Variants in ASAP2 observed in about 807,000 individuals in gnomAD.
ASAP2 encodes the protein arf-GAP with SH3 domain, ANK repeat and PH domain-containing protein 2.
Under a neutral mutation model 131.4 loss-of-function variants are expected in ASAP2, and 45 were observed. That is an observed-to-expected ratio of 0.34 (90% CI 0.27 to 0.44). The LOEUF is 0.44. Among genes scored for constraint, ASAP2 ranks in the 20% least tolerant of loss-of-function variants. ASAP2 has a pLI of 1.00. For missense variants in ASAP2, 1,011 were observed against 1,297.0 expected (o/e 0.78, Z 3.39); for synonymous variants, 510 against 503.0 (o/e 1.01, Z -0.19).
chr2:9,354,500 G>A lies in ASAP2; in HGVS notation c.1112-1547G>A, dbSNP rs140966207. 2.7e-4 allele frequency among the ~76,000 whole-genome samples: 41 copies of A among 152,218 alleles called. 1 individual carries two copies. The highest frequency in any genetic ancestry group is 8.7e-4 in the African/African-American group (36 of 41,526). On this transcript the variant is annotated intron_variant, in intron 12 of 27. Transcript: ENST00000281419. ...CAGAATGCAGAAATTGGCCAGGTGCGGTGGCCCACGCCTGTCATCTCAGTA... is the reference window on the plus strand; with the variant it reads ...CAGAATGCAGAAATTGGCCAGGTGCAGTGGCCCACGCCTGTCATCTCAGTA...
intron 1 of ASAP2, among the ~76,000 whole-genome samples, chr2:9,212,347 G>T (rs570885202): frequency 6.6e-6 from 1 of 152,174 alleles, no homozygotes; most frequent in African/African-American, 2.4e-5. Context: ...GTCCCAGGGC[G>T]TGGGGCTGTG....
intron 15 of ASAP2, among the ~76,000 whole-genome samples, chr2:9,366,817 T>C (rs1354144035): frequency 6.6e-6 from 1 of 152,080 alleles, no homozygotes; most frequent in Non-Finnish European, 1.5e-5. Flanking sequence ...CCCCACATAA[T>C]TCTTCTGTTT....
At chr2:9,368,841 C>T (rs1673691091) in intron 16 of ASAP2, among the ~76,000 whole-genome samples, 2 of 151,942 alleles carry the variant, frequency 1.3e-5, no homozygotes, top group African/African-American at 2.4e-5. Context: ...GTCACTTCCC[C>T]GTCTTGGTCT....
intron 6 of ASAP2, among the ~76,000 whole-genome samples, chr2:9,324,987 C>G (rs1326947847): frequency 6.6e-6 from 1 of 151,992 alleles, no homozygotes; most frequent in Admixed American, 6.6e-5. Context: ...GTGTCTTTTG[C>G]TCCTTGATTC....
chr2:9,375,722 TCTCCAG>T (rs1674353129), intron 17 of ASAP2, among the ~76,000 whole-genome samples: 1 of 152,168 alleles, frequency 6.6e-6, no homozygotes, highest in Non-Finnish European at 1.5e-5. Flanking sequence ...AGAAAACCCA[TCTCCAG>T]GTGGAGGAGA....
In ASAP2 at chr2:9,400,842, G is replaced by T. The variant is rs1676599856; in HGVS notation, c.2823+12G>T. 1 of 1,611,008 alleles carries T rather than the reference G, an allele frequency of 6.2e-7. No individual in the cohort carries two copies. The highest frequency in any genetic ancestry group is 1.7e-5 in the Admixed American group (1 of 59,992). On this transcript the variant is annotated intron_variant, in intron 26 of 27. Transcript: ENST00000281419. ...GGAAGTCGCAGGCAGTAAGTGACGAGCCCCCTTTCCTGCCTCTCTGCTCTA... is the reference window on the plus strand; with the variant it reads ...GGAAGTCGCAGGCAGTAAGTGACGATCCCCCTTTCCTGCCTCTCTGCTCTA...
intron 3 of ASAP2, among the ~76,000 whole-genome samples, chr2:9,317,119 CACAACCACACA>C (rs1669751831): frequency 2.0e-4 from 3 of 15,180 alleles, no homozygotes; most frequent in Non-Finnish European, 6.6e-4. Flanking sequence ...CCCACGCAAT[CACAACCACACA>C]ACACACATCC....
chr2:9,354,645 C>CAAAAA (rs566781964), intron 12 of ASAP2, among the ~76,000 whole-genome samples: 1 of 74,022 alleles, frequency 1.4e-5, no homozygotes, highest in African/African-American at 4.0e-5. Context: ...GACTCCGTCT[C>CAAAAA]AAAAAAAAAA....
chr2:9,400,266 T>TCC (rs1676537493), intron 25 of ASAP2, among the ~76,000 whole-genome samples, 194 bp downstream of exon 25: 1 of 80,366 alleles, frequency 1.2e-5, no homozygotes, highest in South Asian at 4.7e-4. Context: ...CCTGCCCTCT[T>TCC]CCTCTCCTTC....
rs181482436 is a variant in ASAP2 at position 9,326,892 on chromosome 2, G to T, written c.601-934G>T. Among the ~76,000 whole-genome samples, 21 of 152,234 alleles carry T rather than the reference G, an allele frequency of 1.4e-4. No homozygotes were observed. In the East Asian group the frequency reaches 3.7e-3, roughly 27 times the overall value. On this transcript the variant is annotated intron_variant, in intron 6 of 27. Coordinates refer to ENST00000281419, the MANE Select transcript of ASAP2 (RefSeq NM_003887.3). ...CTGTTCATCTTTGTAAACTTTTGTG[G>T]TTATCTTCTTAGAATAAATTCCTGG...
intron 1 of ASAP2, among the ~76,000 whole-genome samples, chr2:9,259,881 C>A (rs1257159373): frequency 6.6e-6 from 1 of 152,232 alleles, no homozygotes; most frequent in Non-Finnish European, 1.5e-5. Flanking sequence ...TGAGCCCCTG[C>A]AGTGTCCTGC....
At chr2:9,377,724 A>G (rs989482015) in intron 18 of ASAP2, among the ~76,000 whole-genome samples, 1 of 152,222 alleles carries the variant, frequency 6.6e-6, no homozygotes, top group African/African-American at 2.4e-5. Flanking sequence ...CCAAAATGCA[A>G]AAGCCATGGG....
At chr2:9,279,770 C>G (rs941623421) in intron 2 of ASAP2, among the ~76,000 whole-genome samples, 2 of 149,008 alleles carry the variant, frequency 1.3e-5, no homozygotes, top group Non-Finnish European at 3.0e-5. Flanking sequence ...CTTTCCGTTT[C>G]TCTTTTACCC....
At chr2:9,310,885 T>G (rs77152227) in intron 3 of ASAP2, among the ~76,000 whole-genome samples, 254 of 152,364 alleles carry the variant, frequency 1.7e-3, no homozygotes, top group Admixed American at 4.3e-3. Context: ...TATCTTTGTT[T>G]GCTCATCAGC....
At chr2:9,254,091 A>G (rs1263023886) in intron 1 of ASAP2, among the ~76,000 whole-genome samples, 1 of 149,502 alleles carries the variant, frequency 6.7e-6, no homozygotes, top group Non-Finnish European at 1.5e-5. Flanking sequence ...CTGTAGTCCC[A>G]GTTACTCAGG....
rs1672690878 is a variant in ASAP2, at chr2:9,356,230, T to C, written c.1212T>C (p.Phe404=). 4 of 1,613,988 alleles carry C rather than the reference T, an allele frequency of 2.5e-6. No homozygotes were observed. The highest frequency in any genetic ancestry group is 3.4e-6 in the Non-Finnish European group (4 of 1,180,010). The change falls in exon 14 of 28, where the codon TTT becomes TTC. Residue 404 remains phenylalanine, a synonymous_variant. Transcript: ENST00000281419. ...AAGAAGAAGCTTTAAACAATGCATTTAAGGGGGATGACAATACTGGAGAAA... is the reference window on the plus strand; with the variant it reads ...AAGAAGAAGCTTTAAACAATGCATTCAAGGGGGATGACAATACTGGAGAAA... ...NSKEEALNNA[F]KGDDNTGENN... is the part of the protein sequence containing the mutation.
chr2:9,269,089 T>C (rs1417307534), intron 1 of ASAP2, among the ~76,000 whole-genome samples: 1 of 152,072 alleles, frequency 6.6e-6, no homozygotes, highest in Non-Finnish European at 1.5e-5. Context: ...ATAGTAAATA[T>C]TTTAGGTTTG....
intron 2 of ASAP2, among the ~76,000 whole-genome samples, chr2:9,289,306 C>T (rs1558300013): frequency 6.6e-6 from 1 of 152,198 alleles, no homozygotes; most frequent in African/African-American, 2.4e-5. Context: ...CTGCACTGAA[C>T]TGATGGGCTG....
chr2:9,391,555 TTTTG>T (rs1305327301), intron 23 of ASAP2, among the ~76,000 whole-genome samples: 4 of 151,912 alleles, frequency 2.6e-5, no homozygotes, highest in East Asian at 3.9e-4. Context: ...GAATCTGGCT[TTTTG>T]TTTTTCTTTT....
Sources: gnomAD v4.1 joint callset for allele counts (sites outside exome capture counted in the v4.1 genomes callset) on GRCh38, gnomAD v4.1.1 for gene constraint, MANE v1.5 for transcripts, NCBI Gene and HGNC (gene_info 2026-07-23, HGNC 2026-07-21) for gene names.